The following KANK1 variants were observed in gnomAD, a reference collection of about 807,000 sequenced individuals.
KANK1 encodes KN motif and ankyrin repeat domains 1.
KANK1 carries 109 observed loss-of-function variants against 106.2 expected under a neutral mutation model. That is an observed-to-expected ratio of 1.03 (90% confidence interval 0.88 to 1.20). The LOEUF (loss-of-function observed/expected upper bound fraction) is 1.20, where lower values mean the gene tolerates loss of function less well. KANK1 is among the 50% of genes most tolerant of loss of function. The probability of loss-of-function intolerance (pLI) is 0.00; values close to 1 mark genes in which losing one functional copy is unlikely to be tolerated. For synonymous variants in KANK1, 873 were observed against 652.2 expected, an observed-to-expected ratio of 1.34 and a Z score of -5.16; for missense variants, 2,399 against 1,710.7, an observed-to-expected ratio of 1.40 and a Z score of -7.10.
chr9:491,657 T>TG (rs2058379315), intron 3 of KANK1, among the ~76,000 whole-genome samples: 1 of 152,152 alleles, frequency 6.6e-6, no homozygotes, highest in Non-Finnish European at 1.5e-5. Context: ...CATGCTGATT[T>TG]GGGGCGAGAA....
At chr9:534,424 A>C (rs980004452) in intron 1 of KANK1, among the ~76,000 whole-genome samples, 9 of 152,142 alleles carry the variant, frequency 5.9e-5, no homozygotes, top group African/African-American at 2.2e-4. Context: ...GTAAGATGTG[A>C]TATCTTTTCA....
At chr9:727,295 T>G (rs924866380) in intron 3 of KANK1, among the ~76,000 whole-genome samples, 1 of 151,958 alleles carries the variant, frequency 6.6e-6, no homozygotes, top group Non-Finnish European at 1.5e-5. Context: ...CCATATTCAC[T>G]ATAGAAAAAA....
chr9:613,875 C>T (rs1001123521), intron 1 of KANK1, among the ~76,000 whole-genome samples: 4 of 152,132 alleles, frequency 2.6e-5, no homozygotes, highest in African/African-American at 9.7e-5. Flanking sequence ...GTCCTAAGTA[C>T]TAAACATGGG....
chr9:677,259 A>G (rs1268521701), intron 2 of KANK1, among the ~76,000 whole-genome samples: 3 of 152,188 alleles, frequency 2.0e-5, no homozygotes, highest in Non-Finnish European at 4.4e-5. Flanking sequence ...GTGTTGAAAG[A>G]CAAATGTAAA....
chr9:530,802 AAT>A (rs1458640891), intron 1 of KANK1, among the ~76,000 whole-genome samples: 1 of 152,168 alleles, frequency 6.6e-6, no homozygotes, highest in Admixed American at 6.5e-5. Context: ...CAGCCTGGAC[AAT>A]ATGATGAAAC....
chr9:706,713 G>A (rs1250262856), intron 2 of KANK1: 1 of 868,690 alleles, frequency 1.2e-6, no homozygotes, highest in East Asian at 1.2e-4. Context: ...TACTTGCCAC[G>A]TGTCATAAGC....
At chr9:496,505 T>C (rs1326535495) in intron 3 of KANK1, among the ~76,000 whole-genome samples, 1 of 152,158 alleles carries the variant, frequency 6.6e-6, no homozygotes, top group Non-Finnish European at 1.5e-5. Context: ...TGCAGTGAGC[T>C]GAGATCGTGC....
intron 1 of KANK1, among the ~76,000 whole-genome samples, chr9:534,608 A>G (rs2060212290): frequency 1.3e-5 from 2 of 152,152 alleles, no homozygotes; most frequent in Admixed American, 6.5e-5. Flanking sequence ...TCCCCCTCTT[A>G]GTTATGCAGC....
intron 1 of KANK1, among the ~76,000 whole-genome samples, chr9:647,965 C>T (rs939643889): frequency 1.9e-4 from 28 of 148,582 alleles, no homozygotes; most frequent in Admixed American, 1.9e-3. Flanking sequence ...AGCCAGTCTA[C>T]GGATTAGAGA....
At position 712,329 on chromosome 9, in the gene KANK1, G is replaced by T. The variant is rs748528384; in HGVS notation, c.1563G>T (p.Gln521His). The T allele has an allele frequency of 5.6e-6, 9 of 1,614,088 alleles. No individual in the cohort carries two copies. The highest frequency in any genetic ancestry group is 7.6e-6 in the Non-Finnish European group (9 of 1,180,054). The change falls in exon 3 of 12, where the codon CAG (glutamine) becomes CAT (histidine). Residue 521 changes from glutamine to histidine, a missense_variant. Gln to His is a conservative substitution (Grantham distance 24, BLOSUM62 0). Transcript: ENST00000382297. ...VFSKVVEAVV[Q>H]TRDQMVGSHM... is the part of the protein sequence containing the mutation. The stretch of plus-strand genomic sequence containing the variant: ...GTAAGGTGGTGGAGGCAGTGGTGCA[G>T]ACCAGAGACCAAATGGTCGGCAGTC...
chr9:703,783 C>T (rs1823303680), intron 2 of KANK1, among the ~76,000 whole-genome samples: 1 of 151,820 alleles, frequency 6.6e-6, no homozygotes. Flanking sequence ...GTGATCTTGA[C>T]ACACTGCAAC....
At chr9:717,740 T>C (rs879668851) in intron 3 of KANK1, among the ~76,000 whole-genome samples, 7 of 152,222 alleles carry the variant, frequency 4.6e-5, no homozygotes, top group Non-Finnish European at 1.0e-4. Context: ...AGGCATAGAT[T>C]AGTGTTTTCT....
rs1026065426 is a variant in KANK1 at position 711,087 on chromosome 9, C to T, written c.321C>T (p.Leu107=). Residue 107 remains leucine (L), a synonymous_variant, in exon 3 of 12, where the codon CTC becomes CTT. Coordinates refer to ENST00000382297, the MANE Select transcript of KANK1 (RefSeq NM_015158.5). ...ACAACAAGCAGTGCCCCAACTTCCTCATAGCCAGAAGTCAAGTTACATCAA... is the reference window on the plus strand; with the variant it reads ...ACAACAAGCAGTGCCCCAACTTCCTTATAGCCAGAAGTCAAGTTACATCAA... ...SDDNKQCPNF[L]IARSQVTSTP... 1 of 1,614,200 alleles carries T rather than the reference C, an allele frequency of 6.2e-7. No individual in the cohort carries two copies. The highest frequency in any genetic ancestry group is 8.5e-7 in the Non-Finnish European group (1 of 1,180,038).
chr9:501,315 A>G (rs2058547312), upstream of KANK1, among the ~76,000 whole-genome samples: 1 of 152,196 alleles, frequency 6.6e-6, no homozygotes, highest in Non-Finnish European at 1.5e-5. Context: ...AGTGGCCTCA[A>G]TAAGGTGTCT....
intron 1 of KANK1, among the ~76,000 whole-genome samples, chr9:649,553 T>C (rs16921797): frequency 0.15 from 23,425 of 152,214 alleles, 1,997 homozygotes; most frequent in Admixed American, 0.18. Context: ...TGCCTGATTA[T>C]AGCTACACAC....
chr9:697,094 GTGTGTGTGTGTC>G (rs1821499418), intron 2 of KANK1, among the ~76,000 whole-genome samples: 4 of 98,288 alleles, frequency 4.1e-5, no homozygotes. Flanking sequence ...GTGTGTGTGT[GTGTGTGTGTGTC>G]TGTGTGTAGA....
At chr9:522,750 A>G (rs749201376) in intron 1 of KANK1, among the ~76,000 whole-genome samples, 4 of 151,662 alleles carry the variant, frequency 2.6e-5, no homozygotes, top group African/African-American at 4.9e-5. Context: ...TGTAAACTCT[A>G]ATGCACTCCT....
chr9:514,501 C>G (rs572314849), intron 1 of KANK1, among the ~76,000 whole-genome samples: 15 of 150,848 alleles, frequency 9.9e-5, no homozygotes, highest in African/African-American at 3.7e-4. Context: ...GGTATCCTTA[C>G]TTCTAATATC....
At chr9:572,326 G>A (rs767718654) in intron 1 of KANK1, among the ~76,000 whole-genome samples, 2 of 151,476 alleles carry the variant, frequency 1.3e-5, no homozygotes, top group Non-Finnish European at 1.5e-5. Context: ...CAGCTATTTC[G>A]GATCATGAGG....
Sources: allele counts gnomAD v4.1 joint callset (sites outside exome capture counted in the v4.1 genomes callset), GRCh38; gene constraint gnomAD v4.1.1; transcripts MANE v1.5; gene names NCBI Gene and HGNC (gene_info 2026-07-23, HGNC 2026-07-21).